Variants in PRKD3 observed in about 807,000 individuals in gnomAD.
PRKD3 encodes protein kinase D3.
Under a neutral mutation model 99.2 loss-of-function variants are expected in PRKD3, and 47 were observed. The observed-to-expected ratio is 0.47, with a 90% CI of 0.38 to 0.60. The LOEUF (loss-of-function observed/expected upper bound fraction) is 0.60, where lower values mean the gene tolerates loss of function less well. Among genes scored for constraint, PRKD3 ranks in the 20% least tolerant of loss-of-function variants. The probability of loss-of-function intolerance (pLI) is 0.00; values close to 1 mark genes in which losing one functional copy is unlikely to be tolerated. For synonymous variants in PRKD3, 392 were observed against 355.4 expected (o/e 1.10, Z -1.16); for missense variants, 1,019 against 1,088.4 (o/e 0.94, Z 0.90).
At chr2:37,288,329 C>T (rs1290805810) in intron 5 of PRKD3, among the ~76,000 whole-genome samples, 9 of 152,078 alleles carry the variant, frequency 5.9e-5, no homozygotes, top group Non-Finnish European at 8.8e-5. Context: ...TCCTTTATGC[C>T]GCAGCACTCT....
chr2:37,312,107 A>G (rs1572701700), intron 2 of PRKD3, among the ~76,000 whole-genome samples: 2 of 152,208 alleles, frequency 1.3e-5, no homozygotes, highest in African/African-American at 2.4e-5. Context: ...ACTTTTGCCT[A>G]TAATTTTTAA....
At chr2:37,257,078 T>C (rs1363084539) in intron 16 of PRKD3, 149 bp from the exon 17 acceptor site, 2 of 944,554 alleles carry the variant, frequency 2.1e-6, no homozygotes, top group Non-Finnish European at 3.1e-6. Flanking sequence ...AATTGTAAAA[T>C]ATCCTTTTCT....
At chr2:37,303,218 C>A (rs1671015673) in intron 2 of PRKD3, among the ~76,000 whole-genome samples, 1 of 152,104 alleles carries the variant, frequency 6.6e-6, no homozygotes, top group Admixed American at 6.5e-5. Flanking sequence ...TCTCCCACAT[C>A]CCACTCTGCT....
At chr2:37,294,293 G>T (rs955145220) in intron 2 of PRKD3, among the ~76,000 whole-genome samples, 1 of 152,014 alleles carries the variant, frequency 6.6e-6, no homozygotes, top group African/African-American at 2.4e-5. Flanking sequence ...CAGGGGTCTC[G>T]CTGTGTGGCC....
At chr2:37,263,696 C>A (rs1413177801) in intron 14 of PRKD3, among the ~76,000 whole-genome samples, 1 of 152,034 alleles carries the variant, frequency 6.6e-6, no homozygotes, top group African/African-American at 2.4e-5. Context: ...GGAGAAGGGA[C>A]CTTTGGAGGA....
chr2:37,316,947 AG>A lies in PRKD3; in HGVS notation c.-424del, dbSNP rs1477152378. 11 of 999,080 alleles carry A rather than the reference AG, an allele frequency of 1.1e-5. No homozygotes were observed. The highest frequency in any genetic ancestry group is 4.4e-5 in the South Asian group (1 of 22,648). The allele number at this position is 999,080 out of a possible 1,614,324, so 61.9% of individuals were successfully genotyped here. A position where few individuals can be genotyped will look rare whatever the true frequency, so the allele number is the denominator to read the frequency against. On this transcript the variant is annotated 5_prime_UTR_variant, in exon 2 of 19. It adds an upstream start codon to the 5' untranslated region. Coordinates refer to ENST00000234179, the MANE Select transcript of PRKD3 (RefSeq NM_005813.6). The stretch of plus-strand genomic sequence containing the variant: ...GTGAAATCCTCTTCGTTTAAAAAAC[AG>A]TAAGTGTTTTGGATTAATCTATTCA...
intron 2 of PRKD3, among the ~76,000 whole-genome samples, chr2:37,301,146 T>C (rs113379600): frequency 2.6e-5 from 4 of 152,156 alleles, no homozygotes; most frequent in Non-Finnish European, 4.4e-5. Context: ...AAACTCCAAA[T>C]CCAATTACTC....
chr2:37,268,858 T>C (rs1669023576), intron 13 of PRKD3: 1 of 153,896 alleles, frequency 6.5e-6, no homozygotes, highest in South Asian at 2.0e-4. Context: ...AAACTGGCTA[T>C]GAATCTGTAG....
chr2:37,301,250 A>G (rs1670912669), intron 2 of PRKD3, among the ~76,000 whole-genome samples: 1 of 152,220 alleles, frequency 6.6e-6, no homozygotes, highest in African/African-American at 2.4e-5. Flanking sequence ...TCCAAAGTAT[A>G]TATGTAGAAT....
chr2:37,283,894 C>G (rs891240246), intron 6 of PRKD3, among the ~76,000 whole-genome samples: 8 of 122,112 alleles, frequency 6.6e-5, no homozygotes, highest in Non-Finnish European at 1.1e-4. Flanking sequence ...GAGCAAGACT[C>G]TGTCTCAAAA....
In PRKD3 at chr2:37,253,120, A is replaced by G. The variant is rs910261612; in HGVS notation, c.*57T>C. ...TGACAATCTACAAAGAACAAGTTAC[A>G]CAGCAAAATATCAGTCCATAAAATG... On this transcript the variant is annotated 3_prime_UTR_variant, in exon 19 of 19. Coordinates refer to ENST00000234179, the MANE Select transcript of PRKD3 (RefSeq NM_005813.6). 56 of 1,490,502 alleles carry G rather than the reference A, an allele frequency of 3.8e-5. No individual in the cohort carries two copies. Among genetic ancestry groups the G allele is most frequent in the Non-Finnish European group, 4.1e-5 (45 of 1,094,750 alleles). The allele number at this position is 1,490,502 out of a possible 1,614,324, so 92.3% of individuals were successfully genotyped here. A position where few individuals can be genotyped will look rare whatever the true frequency, so the allele number is the denominator to read the frequency against.
At chr2:37,305,136 T>G (rs962159825) in intron 2 of PRKD3, among the ~76,000 whole-genome samples, 1 of 151,308 alleles carries the variant, frequency 6.6e-6, no homozygotes, top group Non-Finnish European at 1.5e-5. Flanking sequence ...GACAACTGGG[T>G]TTTTTTTGAC....
At chr2:37,262,899 C>CA (rs909719531) in intron 14 of PRKD3, among the ~76,000 whole-genome samples, 1 of 147,486 alleles carries the variant, frequency 6.8e-6, no homozygotes, top group East Asian at 2.4e-4. Context: ...ATTCCTTCCC[C>CA]CCCCCGTATT....
intron 17 of PRKD3, among the ~76,000 whole-genome samples, chr2:37,255,754 C>T (rs1334579772): frequency 6.6e-6 from 1 of 152,090 alleles, no homozygotes; most frequent in Non-Finnish European, 1.5e-5. Context: ...GCCTGTAATC[C>T]CAGCACTTTG....
chr2:37,289,904 G>C (rs1460981327), intron 4 of PRKD3, among the ~76,000 whole-genome samples: 1 of 152,170 alleles, frequency 6.6e-6, no homozygotes, highest in African/African-American at 2.4e-5. Flanking sequence ...GCAAACTATG[G>C]CCTCTGTACC....
chr2:37,267,583 T>TGA, intron 13 of PRKD3, 47 bp from the exon 14 acceptor site: 1 of 1,339,970 alleles, frequency 7.5e-7, no homozygotes, highest in East Asian at 2.3e-5. Context: ...ACTGACAGCT[T>TGA]TATTAGGGAG....
rs1672055508 is a variant in PRKD3, at chr2:37,324,796, C to T, written c.-771G>A. On this transcript the variant is annotated 5_prime_UTR_variant, in exon 1 of 19. Transcript: ENST00000234179. ...ATCCCGCCCGCCTCCGGCGCCCCTTCCTCCCTCCCTCCCCGTCCCGTCCTG... is the reference window on the plus strand; with the variant it reads ...ATCCCGCCCGCCTCCGGCGCCCCTTTCTCCCTCCCTCCCCGTCCCGTCCTG... The T allele has an allele frequency of 6.6e-6, 1 of 150,738 alleles. No homozygotes were observed. Among genetic ancestry groups the T allele is most frequent in the African/African-American group, 2.4e-5 (1 of 41,262 alleles). The allele number at this position is 150,738 out of a possible 1,614,324, so 9.3% of individuals were successfully genotyped here. A position where few individuals can be genotyped will look rare whatever the true frequency, so the allele number is the denominator to read the frequency against.
In PRKD3 at chr2:37,274,469, T is replaced by A; in HGVS notation, c.1603A>T (p.Thr535Ser). The change falls in exon 11 of 19, where the codon ACT (threonine) becomes TCT (serine). Residue 535 changes from threonine to serine, a missense_variant. This residue lies in a region of PRKD3 where 710 missense variants were observed against 692.7 expected (regional missense o/e 1.02). Transcript: ENST00000234179. ...KAIRQALMPVTPQASVCTSPG... is the reference protein window; with the variant it reads ...KAIRQALMPVSPQASVCTSPG... ...GAAGTGCAAACACTTGCTTGAGGAG[T>A]AACAGGCATGAGGGCTTGGCGAATT... 1.2e-6 allele frequency: 2 copies of A among 1,614,054 alleles called. No individual in the cohort carries two copies. The highest frequency in any genetic ancestry group is 1.7e-6 in the Non-Finnish European group (2 of 1,179,970).
chr2:37,258,752 G>A (rs1410186381), intron 16 of PRKD3, among the ~76,000 whole-genome samples: 1 of 152,110 alleles, frequency 6.6e-6, no homozygotes, highest in Non-Finnish European at 1.5e-5. Flanking sequence ...AAAGCTGAAC[G>A]ATTTTTAATA....
Sources: gnomAD v4.1 joint callset for allele counts (sites outside exome capture counted in the v4.1 genomes callset) on GRCh38, gnomAD v4.1.1 for gene constraint, gnomAD v4.1.1 regional missense constraint, MANE v1.5 for transcripts, NCBI Gene and HGNC (gene_info 2026-07-23, HGNC 2026-07-21) for gene names.